Variants in MGLL observed in about 807,000 individuals in gnomAD.
MGLL encodes monoglyceride lipase.
Under a neutral mutation model 29.1 loss-of-function variants are expected in MGLL, and 7 were observed. The observed-to-expected ratio is 0.24, with a 90% CI of 0.14 to 0.45. The LOEUF (loss-of-function observed/expected upper bound fraction) is 0.45, where lower values mean the gene tolerates loss of function less well. Ranked by LOEUF, MGLL falls within the 20% of genes least tolerant of loss-of-function variation. The probability of loss-of-function intolerance (pLI) is 0.99; values close to 1 mark genes in which losing one functional copy is unlikely to be tolerated. For synonymous variants in MGLL, 148 were observed against 168.3 expected, an observed-to-expected ratio of 0.88 and a Z score of 0.93; for missense variants, 356 against 413.6, an observed-to-expected ratio of 0.86 and a Z score of 1.21.
At chr3:127,694,413 A>T (rs184683926) in intron 7 of MGLL, among the ~76,000 whole-genome samples, 4 of 148,676 alleles carry the variant, frequency 2.7e-5, no homozygotes, top group African/African-American at 1.0e-4. Flanking sequence ...GTGTATATAT[A>T]TGTGTGTGTG....
intron 2 of MGLL, among the ~76,000 whole-genome samples, chr3:127,784,704 A>C (rs1187394797): frequency 6.6e-6 from 1 of 151,992 alleles, no homozygotes; most frequent in East Asian, 1.9e-4. Flanking sequence ...TCTGATCTTC[A>C]GCTTCTATTG....
At chr3:127,749,807 G>T (rs112378640) in intron 3 of MGLL, among the ~76,000 whole-genome samples, 3,418 of 152,272 alleles carry the variant, frequency 0.022, 139 homozygotes, top group African/African-American at 0.077. Context: ...ATGCGAGGGG[G>T]TTTACTGTTT....
chr3:127,795,634 A>G (rs1228036053), intron 2 of MGLL, among the ~76,000 whole-genome samples: 1 of 152,266 alleles, frequency 6.6e-6, no homozygotes, highest in Non-Finnish European at 1.5e-5. Flanking sequence ...CAAAAGGCTT[A>G]GAATTACCTT....
intron 2 of MGLL, among the ~76,000 whole-genome samples, chr3:127,794,237 G>A (rs752802535): frequency 4.3e-4 from 66 of 151,776 alleles, no homozygotes; most frequent in Non-Finnish European, 8.5e-4. Flanking sequence ...TTAAGGTCAG[G>A]AGCTCCAGAC....
At chr3:127,743,572 T>TAAAAAAAAAA (rs35691902) in intron 3 of MGLL, among the ~76,000 whole-genome samples, 2 of 40,722 alleles carry the variant, frequency 4.9e-5, no homozygotes, top group East Asian at 9.0e-4. Flanking sequence ...CCACTAATGC[T>TAAAAAAAAAA]AAAAAAAAAA....
chr3:127,705,287 T>C (rs983815692), intron 6 of MGLL, among the ~76,000 whole-genome samples: 1 of 151,988 alleles, frequency 6.6e-6, no homozygotes, highest in African/African-American at 2.4e-5. Context: ...GCTTAATACC[T>C]AGGTGATGGG....
intron 3 of MGLL, among the ~76,000 whole-genome samples, chr3:127,725,390 C>T (rs909670924): frequency 3.9e-5 from 6 of 152,182 alleles, no homozygotes; most frequent in South Asian, 2.1e-4. Context: ...GAAAGATGTA[C>T]ACTGACGGTC....
chr3:127,750,473 T>C (rs750261202), intron 3 of MGLL, among the ~76,000 whole-genome samples: 5 of 151,722 alleles, frequency 3.3e-5, no homozygotes, highest in Non-Finnish European at 7.4e-5. Flanking sequence ...AAACAGAGGG[T>C]AGTGCAAAAA....
rs1576562003 is a variant in MGLL, at chr3:127,761,935, C to T, written c.262+19854G>A. ...CCTCTGTTTGCTTTTTAATTTCTCC[C>T]TTTACCTCTAACAGGGGAGAAACCA... On this transcript the variant is annotated intron_variant, in intron 3 of 7. Coordinates refer to ENST00000265052, the MANE Select transcript of MGLL (RefSeq NM_007283.7). This position sits in a 1 kb window ranked among gnomAD's most constrained non-coding sequence, Gnocchi z 4.6. 6.6e-6 allele frequency among the ~76,000 whole-genome samples: 1 copy of T among 152,270 alleles called. No individual in the cohort carries two copies. Among genetic ancestry groups the T allele is most frequent in the South Asian group, 2.1e-4 (1 of 4,818 alleles).
At chr3:127,698,550 C>T (rs766285772) in intron 6 of MGLL, among the ~76,000 whole-genome samples, 2 of 152,114 alleles carry the variant, frequency 1.3e-5, no homozygotes, top group Non-Finnish European at 2.9e-5. Flanking sequence ...ACTAGAGAAA[C>T]AGAGACCAGA....
intron 3 of MGLL, among the ~76,000 whole-genome samples, chr3:127,755,646 G>A (rs763526402): frequency 6.6e-6 from 1 of 152,198 alleles, no homozygotes; most frequent in Non-Finnish European, 1.5e-5. Context: ...CCCAGAGAAT[G>A]CATCCAACCT....
chr3:127,814,096 C>T (rs1273579936), intron 2 of MGLL, among the ~76,000 whole-genome samples: 3 of 151,964 alleles, frequency 2.0e-5, no homozygotes, highest in African/African-American at 7.3e-5. Context: ...GCTGTGACTC[C>T]CTGGAAGGTG....
At chr3:127,795,520 C>A (rs2077369095) in intron 2 of MGLL, among the ~76,000 whole-genome samples, 2 of 152,034 alleles carry the variant, frequency 1.3e-5, no homozygotes, top group Admixed American at 1.3e-4. Flanking sequence ...GTGTAACAAA[C>A]CTGCACGTGT....
intron 7 of MGLL, among the ~76,000 whole-genome samples, chr3:127,694,504 T>C (rs897563737): frequency 6.6e-6 from 1 of 152,014 alleles, no homozygotes; most frequent in African/African-American, 2.4e-5. Context: ...TCTGCAGAGC[T>C]AGCTCTGGCA....
rs2075330187 is a variant in MGLL, at chr3:127,695,028, T to G, written c.763A>C (p.Lys255Gln). ...AACTCCATGAGCAGGTAGGCCCCTT[T>G]GCTGTCACATAGGCGATCGGCAGAG... is the stretch of plus-strand genomic sequence containing the variant. ...QGSADRLCDS[K>Q]GAYLLMELAK... Residue 255 changes from lysine (K) to glutamine (Q), a missense_variant, in exon 7 of 8, where the codon AAA becomes CAA. Physicochemically the swap from Lys to Gln is moderately conservative, Grantham distance 53. Coordinates refer to ENST00000265052, the MANE Select transcript of MGLL (RefSeq NM_007283.7). 1 of 1,613,978 alleles carries G rather than the reference T, an allele frequency of 6.2e-7. No homozygotes were observed. The highest frequency in any genetic ancestry group is 1.3e-5 in the African/African-American group (1 of 74,914).
intron 5 of MGLL, 52 bp from the exon 6 acceptor site, chr3:127,710,717 G>A (rs758719002): frequency 2.2e-5 from 32 of 1,433,324 alleles, no homozygotes; most frequent in Admixed American, 2.0e-4. Flanking sequence ...ATCCACACCC[G>A]GCTCTTCCGC....
chr3:127,820,803 C>T (rs1253104105), intron 2 of MGLL, among the ~76,000 whole-genome samples: 1 of 152,218 alleles, frequency 6.6e-6, no homozygotes, highest in Non-Finnish European at 1.5e-5. Flanking sequence ...GAAGCTATGA[C>T]TCTATGCCGG....
At position 127,690,961 on chromosome 3, in the gene MGLL, C is replaced by T. The variant is rs147639566; in HGVS notation, c.*1237G>A. ...GGCAGGGCTGGGGGTGCCTCCAGTC[C>T]CTGCTCTGGGTCACCGAGTGCTCCA... On this transcript the variant is annotated 3_prime_UTR_variant, in exon 8 of 8. Coordinates refer to ENST00000265052, the MANE Select transcript of MGLL (RefSeq NM_007283.7). 2.0e-5 allele frequency: 3 copies of T among 152,968 alleles called. No individual in the cohort carries two copies. The highest frequency in any genetic ancestry group is 2.9e-5 in the Non-Finnish European group (2 of 68,190). 9.5% of individuals were successfully genotyped at this position (152,968 alleles called of 1,614,324 possible). A position where few individuals can be genotyped will look rare whatever the true frequency, so the allele number is the denominator to read the frequency against.
intron 5 of MGLL, among the ~76,000 whole-genome samples, chr3:127,714,354 A>G (rs1186071266): frequency 2.6e-5 from 4 of 152,174 alleles, no homozygotes; most frequent in Non-Finnish European, 5.9e-5. Context: ...CTTCCACTGC[A>G]TGCATCCAGC....
Sources: allele counts gnomAD v4.1 joint callset (sites outside exome capture counted in the v4.1 genomes callset), GRCh38; gene constraint gnomAD v4.1.1; non-coding constraint Gnocchi (gnomAD v3.1); transcripts MANE v1.5; gene names NCBI Gene and HGNC (gene_info 2026-07-23, HGNC 2026-07-21).